The following ZFHX3 variants were observed in gnomAD, a reference collection of about 807,000 sequenced individuals.
The protein encoded by ZFHX3 is zinc finger homeobox protein 3.
In ZFHX3, 42 loss-of-function variants were observed where a neutral mutation model predicts 279.1. The observed-to-expected ratio is 0.15, with a 90% CI of 0.12 to 0.19. The LOEUF is 0.19. Among genes scored for constraint, ZFHX3 ranks in the 10% least tolerant of loss-of-function variants. The pLI is 1.00. For synonymous variants in ZFHX3, 2,293 were observed against 1,957.8 expected (o/e 1.17, Z -4.52); for missense variants, 4,981 against 4,754.0 (o/e 1.05, Z -1.40).
intron 2 of ZFHX3, among the ~76,000 whole-genome samples, chr16:73,542,209 G>A (rs1462277277): frequency 6.6e-6 from 1 of 152,074 alleles, no homozygotes; most frequent in Non-Finnish European, 1.5e-5. Context: ...CTTTCAAGTG[G>A]CCTTAATGGA....
chr16:73,539,333 G>A (rs990910603), intron 2 of ZFHX3, among the ~76,000 whole-genome samples: 4 of 149,136 alleles, frequency 2.7e-5, no homozygotes, highest in Admixed American at 2.0e-4. Flanking sequence ...GCGCCCACCC[G>A]CCTCTCCTGC....
intron 1 of ZFHX3, among the ~76,000 whole-genome samples, chr16:73,730,191 T>C (rs542909833): frequency 6.6e-6 from 1 of 152,184 alleles, no homozygotes; most frequent in South Asian, 2.1e-4. Flanking sequence ...GGAATCTTAC[T>C]TGGTGACAAA....
chr16:73,601,469 C>CAAAAAAA (rs67967322), intron 2 of ZFHX3, among the ~76,000 whole-genome samples: 2 of 131,696 alleles, frequency 1.5e-5, no homozygotes, highest in South Asian at 2.5e-4. Context: ...GACTCCATCT[C>CAAAAAAA]AAAAAAAAAA....
intron 1 of ZFHX3, among the ~76,000 whole-genome samples, chr16:73,712,923 T>C (rs573903041): frequency 2.2e-4 from 34 of 152,282 alleles, no homozygotes; most frequent in African/African-American, 7.9e-4. Context: ...CCTATGTACA[T>C]TGCAGGGTGG....
chr16:73,760,700 A>G (rs1030734639), intron 1 of ZFHX3, among the ~76,000 whole-genome samples: 12 of 152,244 alleles, frequency 7.9e-5, no homozygotes, highest in African/African-American at 2.7e-4. Context: ...AATTCATTAC[A>G]TAAACAGAAC....
intron 4 of ZFHX3, among the ~76,000 whole-genome samples, chr16:73,316,905 G>C (rs2015461653): frequency 6.6e-6 from 1 of 152,164 alleles, no homozygotes; most frequent in Non-Finnish European, 1.5e-5. Flanking sequence ...GCTTGCCAGT[G>C]TTTCCTGGCT....
chr16:73,712,800 C>T (rs376627163), intron 1 of ZFHX3, among the ~76,000 whole-genome samples: 24 of 152,316 alleles, frequency 1.6e-4, no homozygotes, highest in African/African-American at 5.8e-4. Flanking sequence ...GATATATAAT[C>T]TTGGCTGCCC....
intron 8 of ZFHX3, among the ~76,000 whole-genome samples, chr16:73,067,947 G>A (rs754298906): frequency 3.3e-5 from 5 of 152,114 alleles, no homozygotes; most frequent in Non-Finnish European, 5.9e-5. Context: ...GTATATTCCA[G>A]TAGGAGATAG....
intron 5 of ZFHX3, among the ~76,000 whole-genome samples, chr16:73,243,018 G>A (rs978324604): frequency 1.3e-5 from 2 of 152,226 alleles, no homozygotes; most frequent in African/African-American, 4.8e-5. Flanking sequence ...GTGAAAAGGA[G>A]GTCAGAGGCT....
chr16:73,344,696 CAG>C (rs138767081), intron 3 of ZFHX3, among the ~76,000 whole-genome samples: 32 of 149,070 alleles, frequency 2.1e-4, no homozygotes, highest in Non-Finnish European at 2.7e-4. Flanking sequence ...CAGAGAGAGA[CAG>C]AGAGAGAGAG....
upstream of ZFHX3, among the ~76,000 whole-genome samples, chr16:73,064,474 G>T (rs1188533290): frequency 1.3e-5 from 2 of 151,372 alleles, no homozygotes; most frequent in Non-Finnish European, 2.9e-5. Flanking sequence ...ATCTAGAGAG[G>T]TTTCATCCCT....
rs150244513 is a variant in ZFHX3 at position 72,922,871 on chromosome 16, A to T, written c.3216+27598T>A. Reference sequence around the variant, plus strand: ...AGGCTGATACCTGTCAGGGCTGGGGACAGAGCAGACTCTCCCCAGCCTGCT... The same window carrying T: ...AGGCTGATACCTGTCAGGGCTGGGGTCAGAGCAGACTCTCCCCAGCCTGCT... On this transcript the variant is annotated intron_variant, in intron 3 of 9. Coordinates refer to ENST00000268489, the MANE Select transcript of ZFHX3 (RefSeq NM_006885.4). Among the ~76,000 whole-genome samples, 16 of 152,200 alleles carry T rather than the reference A, an allele frequency of 1.1e-4. No individual in the cohort carries two copies. In the East Asian group the frequency reaches 2.9e-3, roughly 28 times the overall value.
chr16:73,187,403 G>A (rs1168415820), intron 5 of ZFHX3, among the ~76,000 whole-genome samples: 1 of 151,446 alleles, frequency 6.6e-6, no homozygotes, highest in Non-Finnish European at 1.5e-5. Context: ...GAAACGTCAA[G>A]GACAGTTTGT....
intron 5 of ZFHX3, among the ~76,000 whole-genome samples, chr16:73,228,994 A>G (rs1212819912): frequency 6.6e-6 from 1 of 152,136 alleles, no homozygotes; most frequent in African/African-American, 2.4e-5. Context: ...CTTTACCTCA[A>G]TATACTCGGT....
chr16:73,760,946 A>G (rs2053858071), intron 1 of ZFHX3, among the ~76,000 whole-genome samples: 1 of 151,692 alleles, frequency 6.6e-6, no homozygotes, highest in Non-Finnish European at 1.5e-5. Context: ...CACCACCCCT[A>G]TTCAACATAG....
At chr16:73,659,187 G>A (rs910367940) in intron 2 of ZFHX3, among the ~76,000 whole-genome samples, 1 of 152,186 alleles carries the variant, frequency 6.6e-6, no homozygotes, top group African/African-American at 2.4e-5. Flanking sequence ...ACACAGAAGG[G>A]TGACAGGACA....
At chr16:73,290,781 G>A (rs1283007971) in intron 4 of ZFHX3, among the ~76,000 whole-genome samples, 1 of 152,200 alleles carries the variant, frequency 6.6e-6, no homozygotes, top group East Asian at 1.9e-4. Flanking sequence ...CAGCCTCTCA[G>A]GCTATTTCTC....
At chr16:73,777,852 TTTTTTTCTCTG>T (rs1215359465) in intron 1 of ZFHX3, among the ~76,000 whole-genome samples, 2 of 152,124 alleles carry the variant, frequency 1.3e-5, no homozygotes, top group Non-Finnish European at 2.9e-5. Context: ...ACTGGGACTT[TTTTTTTCTCTG>T]TAGCTAAAGG....
intron 3 of ZFHX3, among the ~76,000 whole-genome samples, chr16:72,931,897 G>A (rs1959831156): frequency 6.6e-6 from 1 of 152,190 alleles, no homozygotes; most frequent in African/African-American, 2.4e-5. Context: ...ACGATATTCT[G>A]TGGTATTGCC....
Sources: gnomAD v4.1 joint callset for allele counts (sites outside exome capture counted in the v4.1 genomes callset) on GRCh38, gnomAD v4.1.1 for gene constraint, MANE v1.5 for transcripts, NCBI Gene and HGNC (gene_info 2026-07-23, HGNC 2026-07-21) for gene names.